Variants in MED27 observed in about 807,000 individuals in gnomAD.
The protein encoded by MED27 is mediator complex subunit 27.
Under a neutral mutation model 38.2 loss-of-function variants are expected in MED27, and 30 were observed. The ratio of observed to expected loss-of-function variants is 0.79; its 90% CI spans 0.59 to 1.07. The LOEUF (loss-of-function observed/expected upper bound fraction) is 1.07, where lower values mean the gene tolerates loss of function less well. Among genes scored for constraint, MED27 ranks in the 50% least tolerant of loss-of-function variants. The pLI, the probability that MED27 is intolerant of heterozygous loss-of-function variation, is 0.00. For missense variants in MED27, 289 were observed against 397.5 expected (o/e 0.73, Z 2.32); for synonymous variants, 122 against 153.5 (o/e 0.79, Z 1.52).
At chr9:131,957,897 T>TAA (rs78725916) in intron 3 of MED27, among the ~76,000 whole-genome samples, 1 of 129,182 alleles carries the variant, frequency 7.7e-6, no homozygotes, top group Non-Finnish European at 1.7e-5. Flanking sequence ...TGTCTCTATT[T>TAA]AAAAAAAAAA....
At chr9:131,866,461 C>G (rs535065054) in intron 6 of MED27, among the ~76,000 whole-genome samples, 15 of 147,012 alleles carry the variant, frequency 1.0e-4, no homozygotes, top group African/African-American at 3.6e-4. Flanking sequence ...CGCCTCTCTT[C>G]CCCCTGCCTC....
At chr9:132,042,612 A>G (rs1833243632) in intron 2 of MED27, among the ~76,000 whole-genome samples, 4 of 152,184 alleles carry the variant, frequency 2.6e-5, no homozygotes, top group Admixed American at 2.6e-4. Flanking sequence ...CAAGAAGAAC[A>G]CTAAGCATTT....
chr9:131,931,845 T>TA (rs533803802), intron 4 of MED27, among the ~76,000 whole-genome samples: 1 of 152,108 alleles, frequency 6.6e-6, no homozygotes, highest in Non-Finnish European at 1.5e-5. Flanking sequence ...ATGGAACACT[T>TA]AGATACATAA....
chr9:132,021,106 T>C (rs1832708221), intron 2 of MED27, among the ~76,000 whole-genome samples: 1 of 152,204 alleles, frequency 6.6e-6, no homozygotes, highest in East Asian at 1.9e-4. Flanking sequence ...CCCTACATAT[T>C]AGTGCTCAAA....
intron 4 of MED27, among the ~76,000 whole-genome samples, chr9:131,904,000 G>A (rs1385678528): frequency 6.6e-6 from 1 of 151,608 alleles, no homozygotes; most frequent in Non-Finnish European, 1.5e-5. Flanking sequence ...CCGGGTTCAA[G>A]TGATTCTCCT....
intron 3 of MED27, among the ~76,000 whole-genome samples, chr9:131,944,482 A>G (rs1589225982): frequency 6.6e-6 from 1 of 151,900 alleles, no homozygotes; most frequent in East Asian, 1.9e-4. Context: ...AATGGACTTT[A>G]TAAAAGACTG....
intron 2 of MED27, among the ~76,000 whole-genome samples, chr9:132,021,786 T>G (rs550688725): frequency 1.3e-5 from 2 of 152,200 alleles, no homozygotes; most frequent in Admixed American, 6.5e-5. Context: ...GAAGGCCCCA[T>G]GATGGGATTA....
chr9:132,023,271 T>C (rs1832755144), intron 2 of MED27, among the ~76,000 whole-genome samples: 1 of 152,140 alleles, frequency 6.6e-6, no homozygotes, highest in Admixed American at 6.5e-5. Context: ...CACTGGACAT[T>C]TCTATGTCTC....
intron 2 of MED27, among the ~76,000 whole-genome samples, chr9:132,066,450 G>A (rs954274397): frequency 6.6e-6 from 1 of 152,220 alleles, no homozygotes; most frequent in Non-Finnish European, 1.5e-5. Flanking sequence ...TTGGCAACGT[G>A]ATAAAAAGAC....
At chr9:131,981,201 G>A (rs1166007128) in intron 3 of MED27, among the ~76,000 whole-genome samples, 1 of 152,180 alleles carries the variant, frequency 6.6e-6, no homozygotes, top group Non-Finnish European at 1.5e-5. Flanking sequence ...TTCACACCTT[G>A]TATAAACATT....
Position 132,003,094 on chromosome 9 carries a change from A to C in MED27, c.479+11243T>G, listed in dbSNP as rs1014712848. ...TCTTTGTTATGCAAAGAGAGATTTA[A>C]AAAAAAAAATGGATCCAGCTTCTAT... On this transcript the variant is annotated intron_variant, in intron 3 of 7. Transcript: ENST00000292035. The surrounding 1 kb of genome is among the most constrained non-coding windows in gnomAD (Gnocchi z 4.2). Among the ~76,000 whole-genome samples the C allele has an allele frequency of 1.4e-5, 2 of 146,072 alleles. No homozygotes were observed. The highest frequency in any genetic ancestry group is 3.0e-5 in the Non-Finnish European group (2 of 67,192).
intron 4 of MED27, among the ~76,000 whole-genome samples, chr9:131,922,012 G>A (rs1321649167): frequency 5.6e-5 from 8 of 143,320 alleles, no homozygotes; most frequent in East Asian, 4.4e-4. Context: ...ATCACACACC[G>A]GGGCCTGTCA....
At chr9:132,077,316 T>C (rs1834073835) in intron 2 of MED27, 126 bp downstream of exon 2, 1 of 960,178 alleles carries the variant, frequency 1.0e-6, no homozygotes, top group Non-Finnish European at 1.5e-6. Flanking sequence ...AACTTCCAAC[T>C]CTATAACCCC....
At chr9:132,053,185 G>A (rs1487406062) in intron 2 of MED27, among the ~76,000 whole-genome samples, 2 of 151,898 alleles carry the variant, frequency 1.3e-5, no homozygotes, top group African/African-American at 2.4e-5. Context: ...CCCAGGAGGC[G>A]GAGCTTGCAG....
At chr9:131,993,637 T>C (rs1832026982) in intron 3 of MED27, among the ~76,000 whole-genome samples, 1 of 152,188 alleles carries the variant, frequency 6.6e-6, no homozygotes, top group South Asian at 2.1e-4. Context: ...TTACAGTGGA[T>C]CCATCCACTG....
At chr9:131,977,169 C>T (rs1233745950) in intron 3 of MED27, among the ~76,000 whole-genome samples, 2 of 152,198 alleles carry the variant, frequency 1.3e-5, no homozygotes, top group Non-Finnish European at 2.9e-5. Flanking sequence ...TCTTCAGGAA[C>T]TCCGCGTGTG....
chr9:132,015,047 A>G (rs1237596728), intron 2 of MED27, among the ~76,000 whole-genome samples: 1 of 152,186 alleles, frequency 6.6e-6, no homozygotes, highest in Non-Finnish European at 1.5e-5. Flanking sequence ...AAACCATAGA[A>G]TTTGTAGTCT....
At chr9:131,961,262 A>G (rs1229064312) in intron 3 of MED27, among the ~76,000 whole-genome samples, 2 of 152,220 alleles carry the variant, frequency 1.3e-5, no homozygotes, top group East Asian at 3.8e-4. Context: ...CGCAGCAGGC[A>G]AGAAGGCAAC....
intron 3 of MED27, among the ~76,000 whole-genome samples, chr9:132,013,229 G>A (rs1270341709): frequency 6.6e-6 from 1 of 152,152 alleles, no homozygotes. Context: ...AATCAAATGT[G>A]GCATATTCAA....
Sources: gnomAD v4.1 joint callset for allele counts (sites outside exome capture counted in the v4.1 genomes callset) on GRCh38, gnomAD v4.1.1 for gene constraint, Gnocchi (gnomAD v3.1) non-coding constraint, MANE v1.5 for transcripts, NCBI Gene and HGNC (gene_info 2026-07-23, HGNC 2026-07-21) for gene names.